Variants in ADCY9 observed in about 807,000 individuals in gnomAD.
ADCY9 encodes the protein adenylate cyclase type 9.
Under a neutral mutation model 101.5 loss-of-function variants are expected in ADCY9, and 50 were observed. The ratio of observed to expected loss-of-function variants is 0.49; its 90% CI spans 0.39 to 0.62. The LOEUF (loss-of-function observed/expected upper bound fraction) is 0.62, where lower values mean the gene tolerates loss of function less well. ADCY9 is among the 20% of genes least tolerant of loss of function. ADCY9 has a pLI of 0.00. For synonymous variants in ADCY9, 905 were observed against 769.3 expected (o/e 1.18, Z -2.92); for missense variants, 1,662 against 1,800.4 (o/e 0.92, Z 1.39).
chr16:3,999,235 T>C (rs1486407017), intron 3 of ADCY9, among the ~76,000 whole-genome samples: 1 of 151,996 alleles, frequency 6.6e-6, no homozygotes, highest in Non-Finnish European at 1.5e-5. Context: ...GGCAGGCACA[T>C]TAGAGAAAAA....
At chr16:3,971,919 G>A (rs1486036786) in intron 10 of ADCY9, among the ~76,000 whole-genome samples, 2 of 152,182 alleles carry the variant, frequency 1.3e-5, no homozygotes, top group Non-Finnish European at 1.5e-5. Context: ...CGAGACGGGC[G>A]CAGGCCAGGC....
chr16:4,086,903 G>T (rs779800242), intron 2 of ADCY9, among the ~76,000 whole-genome samples: 14 of 151,662 alleles, frequency 9.2e-5, no homozygotes, highest in Non-Finnish European at 1.9e-4. Context: ...CAGGTGATCC[G>T]CCCACCTAGG....
chr16:4,105,718 T>C (rs191389004), intron 2 of ADCY9, among the ~76,000 whole-genome samples: 1 of 149,560 alleles, frequency 6.7e-6, no homozygotes, highest in Admixed American at 6.7e-5. Context: ...TGTGGTGGCA[T>C]GCGCCTGTGT....
chr16:3,959,704 A>C (rs1175051588), downstream of ADCY9, among the ~76,000 whole-genome samples: 1 of 152,186 alleles, frequency 6.6e-6, no homozygotes, highest in African/African-American at 2.4e-5. Context: ...TCACACATTA[A>C]ATTCTAAAAT....
At chr16:4,086,599 A>G (rs1360246133) in intron 2 of ADCY9, among the ~76,000 whole-genome samples, 1 of 152,090 alleles carries the variant, frequency 6.6e-6, no homozygotes, top group Non-Finnish European at 1.5e-5. Flanking sequence ...CCAGTACAAA[A>G]TGTAGATTTT....
rs530312952 is a variant in ADCY9 at position 4,035,302 on chromosome 16, T to A, written c.1694-27744A>T. ...AGGTGCTAAGTAGATATATATTTAC[T>A]TATGCATTGCAGAACTGCAGAAAGA... On this transcript the variant is annotated intron_variant, in intron 2 of 10. Transcript: ENST00000294016. Among the ~76,000 whole-genome samples the A allele has an allele frequency of 3.9e-5, 6 of 152,324 alleles. No individual in the cohort carries two copies. In the East Asian group the frequency reaches 9.6e-4, roughly 24 times the overall value.
chr16:4,041,045 T>C (rs2056623189), intron 2 of ADCY9, among the ~76,000 whole-genome samples: 1 of 152,056 alleles, frequency 6.6e-6, no homozygotes, highest in Non-Finnish European at 1.5e-5. Context: ...CCACAGGAGA[T>C]AAAGCAGAGA....
At chr16:4,017,610 C>T (rs929830146) in intron 2 of ADCY9, among the ~76,000 whole-genome samples, 2 of 149,316 alleles carry the variant, frequency 1.3e-5, no homozygotes, top group African/African-American at 5.0e-5. Context: ...CACCATTGCA[C>T]TCCAGCCTGG....
At chr16:4,112,238 C>A (rs757121870) in intron 2 of ADCY9, among the ~76,000 whole-genome samples, 7 of 152,174 alleles carry the variant, frequency 4.6e-5, no homozygotes, top group Non-Finnish European at 7.3e-5. Context: ...ACACTCATCA[C>A]GGCAGCATCT....
chr16:4,033,810 C>T lies in ADCY9; in HGVS notation c.1694-26252G>A, dbSNP rs149936172. Among the ~76,000 whole-genome samples the T allele has an allele frequency of 8.3e-3, 1,263 of 152,278 alleles. 21 individuals carry two copies. Among genetic ancestry groups the T allele is most frequent in the African/African-American group, 0.029 (1,188 of 41,558 alleles). ...TGTGAAGGCTTAAGCAATTACTTAACCTCTTTGTGCCTCAGTTTCTGAGTC... is the reference window on the plus strand; with the variant it reads ...TGTGAAGGCTTAAGCAATTACTTAATCTCTTTGTGCCTCAGTTTCTGAGTC... On this transcript the variant is annotated intron_variant, in intron 2 of 10. Transcript: ENST00000294016.
chr16:3,969,391 G>C (rs1285634159), intron 10 of ADCY9, among the ~76,000 whole-genome samples: 1 of 149,962 alleles, frequency 6.7e-6, no homozygotes, highest in Non-Finnish European at 1.5e-5. Flanking sequence ...GCGCCACCAG[G>C]CCCAGCTAAT....
chr16:4,029,952 A>C (rs922679307), intron 2 of ADCY9, among the ~76,000 whole-genome samples: 1 of 152,100 alleles, frequency 6.6e-6, no homozygotes, highest in African/African-American at 2.4e-5. Flanking sequence ...AACTGCACCC[A>C]CCCACCAGAG....
intron 7 of ADCY9, 45 bp downstream of exon 7, chr16:3,983,187 G>C (rs552296826): frequency 6.7e-7 from 1 of 1,498,388 alleles, no homozygotes; most frequent in Non-Finnish European, 9.0e-7. Context: ...CCAGAAGAGG[G>C]AGCTAACGGC....
downstream of ADCY9, among the ~76,000 whole-genome samples, chr16:3,961,302 A>G (rs1369206271): frequency 6.6e-6 from 1 of 151,932 alleles, no homozygotes; most frequent in East Asian, 1.9e-4. Context: ...TACAAAAATT[A>G]GCTGGGCATG....
chr16:4,069,191 AC>A (rs1648284698), intron 2 of ADCY9, among the ~76,000 whole-genome samples: 2 of 152,044 alleles, frequency 1.3e-5, no homozygotes, highest in South Asian at 4.1e-4. Context: ...ACCACCAACA[AC>A]TAGAATCAAT....
rs1407277945 is a variant in ADCY9, at chr16:3,980,234, C to G, written c.2520-959G>C. Among the ~76,000 whole-genome samples, 3 of 152,274 alleles carry G rather than the reference C, an allele frequency of 2.0e-5. No homozygotes were observed. In the South Asian group the frequency reaches 6.2e-4, roughly 32 times the overall value. On this transcript the variant is annotated intron_variant, in intron 7 of 10. Coordinates refer to ENST00000294016, the MANE Select transcript of ADCY9 (RefSeq NM_001116.4). ...CGACTGTATTCACTGACTCCTTTTG[C>G]AGGCGTGTGTCTAGCGGGCTTCGTT...
chr16:4,040,526 G>A (rs981490575), intron 2 of ADCY9, among the ~76,000 whole-genome samples: 2 of 149,514 alleles, frequency 1.3e-5, no homozygotes, highest in East Asian at 2.0e-4. Flanking sequence ...GCGCAATCTC[G>A]GCTCACTGCA....
chr16:3,991,806 A>C (rs2141702068), intron 5 of ADCY9, among the ~76,000 whole-genome samples: 1 of 141,648 alleles, frequency 7.1e-6, no homozygotes, highest in Non-Finnish European at 1.5e-5. Context: ...GTGGTGGCTC[A>C]CGCCTATAAT....
chr16:3,983,717 C>T (rs2056166406), intron 6 of ADCY9: 1 of 462,920 alleles, frequency 2.2e-6, no homozygotes, highest in East Asian at 3.7e-5. Flanking sequence ...TCGCTGGAGC[C>T]CAGGAGTTCC....
Sources: gnomAD v4.1 joint callset for allele counts (sites outside exome capture counted in the v4.1 genomes callset) on GRCh38, gnomAD v4.1.1 for gene constraint, MANE v1.5 for transcripts, NCBI Gene and HGNC (gene_info 2026-07-23, HGNC 2026-07-21) for gene names.